SLC35F4: variants seen among roughly 807,000 people sequenced by gnomAD.
The protein encoded by SLC35F4 is chromosome 14 open reading frame 36.
A neutral mutation model predicts 44.2 loss-of-function variants in SLC35F4; 24 were observed. The ratio of observed to expected loss-of-function variants is 0.54; its 90% CI spans 0.39 to 0.76. SLC35F4 has a LOEUF of 0.76. Among genes scored for constraint, SLC35F4 ranks in the 30% least tolerant of loss-of-function variants. SLC35F4 has a pLI of 0.00. For missense variants in SLC35F4, 562 were observed against 586.1 expected (o/e 0.96, Z 0.42); for synonymous variants, 238 against 223.6 (o/e 1.06, Z -0.57).
At chr14:57,696,693 A>G in intron 1 of SLC35F4, among the ~76,000 whole-genome samples, 1 of 152,240 alleles carries the variant, frequency 6.6e-6, no homozygotes, top group African/African-American at 2.4e-5. Flanking sequence ...TAGACTGGAT[A>G]AAGAAAATGT....
intron 1 of SLC35F4, among the ~76,000 whole-genome samples, chr14:57,775,831 A>C (rs2077474762): frequency 6.6e-6 from 1 of 152,218 alleles, no homozygotes; most frequent in South Asian, 2.1e-4. Flanking sequence ...TATAATTCAG[A>C]ATATGTATAG....
At chr14:57,812,476 C>T (rs943633719) in intron 1 of SLC35F4, among the ~76,000 whole-genome samples, 1 of 152,176 alleles carries the variant, frequency 6.6e-6, no homozygotes, top group Non-Finnish European at 1.5e-5. Context: ...ATTCACACAT[C>T]TCTGAGAGGC....
chr14:57,953,896 G>T (rs565176081), intron 1 of SLC35F4, among the ~76,000 whole-genome samples: 1 of 152,260 alleles, frequency 6.6e-6, no homozygotes, highest in East Asian at 1.9e-4. Flanking sequence ...AGGACATTCA[G>T]GACTTGAATG....
chr14:57,605,185 G>A (rs2071077569), intron 1 of SLC35F4, among the ~76,000 whole-genome samples: 1 of 152,098 alleles, frequency 6.6e-6, no homozygotes, highest in African/African-American at 2.4e-5. Flanking sequence ...CTTTAGAATT[G>A]GAGAAAATAT....
At chr14:57,855,287 C>A (rs913674040) in intron 1 of SLC35F4, among the ~76,000 whole-genome samples, 2 of 152,050 alleles carry the variant, frequency 1.3e-5, no homozygotes, top group African/African-American at 4.8e-5. Flanking sequence ...AATCTATCCA[C>A]CTGACAAAGG....
At chr14:57,636,251 T>G (rs774156775) in intron 1 of SLC35F4, among the ~76,000 whole-genome samples, 7 of 152,160 alleles carry the variant, frequency 4.6e-5, no homozygotes, top group Non-Finnish European at 8.8e-5. Context: ...CGATGGGAAC[T>G]GTTTTCAGTA....
rs574618855 is a variant in SLC35F4 at position 57,781,947 on chromosome 14, AAAT to A, written c.103+83773_103+83775del. On this transcript the variant is annotated intron_variant, in intron 1 of 7. Transcript: ENST00000556826. The stretch of plus-strand genomic sequence containing the variant: ...TTGGGAGGAGGGAGAAGAGCAGAAA[AAAT>A]AACTATTGGTTACTAGGTTTAATAC... Among the ~76,000 whole-genome samples, 10 of 152,288 alleles carry A rather than the reference AAAT, an allele frequency of 6.6e-5. No individual in the cohort carries two copies. In the East Asian group the frequency reaches 1.5e-3, roughly 24 times the overall value.
At chr14:57,689,931 T>C (rs1304123134) in intron 1 of SLC35F4, among the ~76,000 whole-genome samples, 1 of 152,142 alleles carries the variant, frequency 6.6e-6, no homozygotes, top group Non-Finnish European at 1.5e-5. Flanking sequence ...TCAAATTTTG[T>C]TTTAGCATGT....
At chr14:57,915,548 C>T (rs918081241) in intron 1 of SLC35F4, among the ~76,000 whole-genome samples, 1 of 152,198 alleles carries the variant, frequency 6.6e-6, no homozygotes, top group Non-Finnish European at 1.5e-5. Flanking sequence ...ATGCAGCAGA[C>T]TGAATGCTTT....
intron 1 of SLC35F4, among the ~76,000 whole-genome samples, chr14:57,715,607 G>C (rs1343884262): frequency 1.3e-5 from 2 of 152,194 alleles, no homozygotes; most frequent in Admixed American, 1.3e-4. Context: ...ATGGCATGGA[G>C]ATGACAGTTT....
At chr14:57,676,498 A>T (rs1193825344) in intron 1 of SLC35F4, among the ~76,000 whole-genome samples, 1 of 152,128 alleles carries the variant, frequency 6.6e-6, no homozygotes, top group East Asian at 1.9e-4. Flanking sequence ...ATGGGTTGAC[A>T]TGTGCAGCAA....
rs536140413 is a variant in SLC35F4 at position 57,750,589 on chromosome 14, T to A, written c.103+115134A>T. On this transcript the variant is annotated intron_variant, in intron 1 of 7. Coordinates refer to ENST00000556826, the MANE Select transcript of SLC35F4 (RefSeq NM_001306087.2). ...AGCCATTCTAACTGGGTTAAGCTAA[T>A]CTCATTATGGTTTTCATTTGCATTT... is the stretch of plus-strand genomic sequence containing the variant. Among the ~76,000 whole-genome samples, 10 of 152,346 alleles carry A rather than the reference T, an allele frequency of 6.6e-5. No homozygotes were observed. The South Asian group carries it at 2.1e-3, about 32-fold the overall frequency.
chr14:57,665,514 G>A (rs73305930), intron 1 of SLC35F4, among the ~76,000 whole-genome samples: 3,958 of 152,262 alleles, frequency 0.026, 163 homozygotes, highest in African/African-American at 0.089. Flanking sequence ...GACAGGAAGT[G>A]GCAGAGGCAG....
At chr14:57,668,032 G>A (rs202243330) in intron 1 of SLC35F4, among the ~76,000 whole-genome samples, 33,684 of 144,430 alleles carry the variant, frequency 0.23, 3,560 homozygotes, top group South Asian at 0.28. Flanking sequence ...CATTCTAACT[G>A]GTGTGAGATG....
upstream of SLC35F4, among the ~76,000 whole-genome samples, chr14:57,868,249 A>G (rs1350778681): frequency 6.6e-6 from 1 of 152,306 alleles, no homozygotes; most frequent in East Asian, 1.9e-4. Context: ...CTCTATAATC[A>G]TCTGTAATAG....
intron 1 of SLC35F4, among the ~76,000 whole-genome samples, chr14:57,789,285 T>C (rs1423378395): frequency 6.6e-6 from 1 of 151,814 alleles, no homozygotes; most frequent in Non-Finnish European, 1.5e-5. Flanking sequence ...GAGAATCAAA[T>C]AGATGCAATA....
chr14:57,676,589 A>T (rs1392673603), intron 1 of SLC35F4, among the ~76,000 whole-genome samples: 10 of 152,126 alleles, frequency 6.6e-5, no homozygotes, highest in Admixed American at 5.9e-4. Context: ...TAATTTTTTT[A>T]AAAAGTAGGC....
At position 57,865,989 on chromosome 14, in the gene SLC35F4, A is replaced by AGCGGCAGCGGCGGCGGCG. The variant is rs1555398709; in HGVS notation, c.-165_-164insCGCCGCCGCCGCTGCCGC. On this transcript the variant is annotated 5_prime_UTR_variant, in exon 1 of 8. Coordinates refer to ENST00000556826, the MANE Select transcript of SLC35F4 (RefSeq NM_001306087.2). ...CGGCGCAGCACCGGCTCCGCATCACAGCGGCGGCGGCGGCGGCGGCGGCGG... is the reference window on the plus strand; with the variant it reads ...CGGCGCAGCACCGGCTCCGCATCACAGCGGCAGCGGCGGCGGCGGCGGCGGCGGCGGCGGCGGCGGCGG... 8.2e-6 allele frequency: 3 copies of AGCGGCAGCGGCGGCGGCG among 365,260 alleles called. No individual in the cohort carries two copies. Among genetic ancestry groups the AGCGGCAGCGGCGGCGGCG allele is most frequent in the African/African-American group, 6.6e-5 (3 of 45,490 alleles). The allele number at this position is 365,260 out of a possible 1,614,324, so 22.6% of individuals were successfully genotyped here. A position where few individuals can be genotyped will look rare whatever the true frequency, so the allele number is the denominator to read the frequency against.
intron 1 of SLC35F4, among the ~76,000 whole-genome samples, chr14:57,758,560 T>C (rs1173257120): frequency 6.6e-6 from 1 of 152,160 alleles, no homozygotes; most frequent in African/African-American, 2.4e-5. Context: ...ATATTTCTTC[T>C]AGCTTTTCAA....
Sources: allele counts gnomAD v4.1 joint callset (sites outside exome capture counted in the v4.1 genomes callset), GRCh38; gene constraint gnomAD v4.1.1; transcripts MANE v1.5; gene names NCBI Gene and HGNC (gene_info 2026-07-23, HGNC 2026-07-21).